The following GFAP variants were observed in gnomAD, a reference collection of about 807,000 sequenced individuals.
GFAP encodes intermediate filament protein.
Under a neutral mutation model 49.3 loss-of-function variants are expected in GFAP, and 38 were observed. The ratio of observed to expected loss-of-function variants is 0.77; its 90% CI spans 0.60 to 1.01. The LOEUF (loss-of-function observed/expected upper bound fraction) is 1.01, where lower values mean the gene tolerates loss of function less well. Ranked by LOEUF, GFAP falls within the 50% of genes least tolerant of loss-of-function variation. GFAP has a pLI of 0.00. For missense variants in GFAP, 463 were observed against 579.1 expected, an observed-to-expected ratio of 0.80 and a Z score of 2.06; for synonymous variants, 222 against 236.4, an observed-to-expected ratio of 0.94 and a Z score of 0.56.
chr17:44,914,707 T>C (rs1247533065), intron 1 of GFAP: 2 of 427,504 alleles, frequency 4.7e-6, no homozygotes, highest in Non-Finnish European at 8.6e-6. Context: ...ATAGGTGAGC[T>C]CGCTGCCCAC....
At position 44,903,292 on chromosome 17, in the gene GFAP, G is replaced by A. The variant is rs1887618129; in HGVS notation, c.*4055C>T. 8.0e-7 allele frequency: 1 copy of A among 1,245,868 alleles called. No homozygotes were observed. Among genetic ancestry groups the A allele is most frequent in the African/African-American group, 1.5e-5 (1 of 64,596 alleles). The allele number at this position is 1,245,868 out of a possible 1,614,324, so 77.2% of individuals were successfully genotyped here. A position where few individuals can be genotyped will look rare whatever the true frequency, so the allele number is the denominator to read the frequency against. ...GATCAAATACTACATCATTTGAGGT[G>A]TTGAATTTTCCCCTAGAGACTCAGT... On this transcript the variant is annotated 3_prime_UTR_variant, in exon 9 of 9. Transcript: ENST00000588735.
In GFAP at chr17:44,904,675, C is replaced by T. The variant is rs773620053; in HGVS notation, c.*2672G>A. On this transcript the variant is annotated 3_prime_UTR_variant, in exon 9 of 9. Coordinates refer to ENST00000588735, the MANE Select transcript of GFAP (RefSeq NM_002055.5). ...TTCAGTTCCACCAGCAGAGACTGGG[C>T]CATGGACTCATCATCTCCTGTCCTG... 206 of 1,550,424 alleles carry T rather than the reference C, an allele frequency of 1.3e-4. No individual in the cohort carries two copies. Among genetic ancestry groups the T allele is most frequent in the Non-Finnish European group, 1.7e-4 (196 of 1,147,008 alleles).
At position 44,904,611 on chromosome 17, in the gene GFAP, C is replaced by G. The variant is rs1232409831; in HGVS notation, c.*2736G>C. The G allele has an allele frequency of 1.9e-6, 3 of 1,550,456 alleles. No individual in the cohort carries two copies. On this transcript the variant is annotated 3_prime_UTR_variant, in exon 9 of 9. Coordinates refer to ENST00000588735, the MANE Select transcript of GFAP (RefSeq NM_002055.5). ...GTGCTGGCCATCATTAACTATGTGTCCAAAGTGGGCAGCCGGCCCTGGGTG... is the reference window on the plus strand; with the variant it reads ...GTGCTGGCCATCATTAACTATGTGTGCAAAGTGGGCAGCCGGCCCTGGGTG...
chr17:44,913,258 G>T lies in GFAP; in HGVS notation c.780+11C>A. 1 of 1,613,802 alleles carries T rather than the reference G, an allele frequency of 6.2e-7. No homozygotes were observed. Among genetic ancestry groups the T allele is most frequent in the Non-Finnish European group, 8.5e-7 (1 of 1,179,754 alleles). ...CCTGGAGGAGGCAGGCTGGCCCACA[G>T]GCAGGGCTACCTTGGAGCGGTACCA... On this transcript the variant is annotated intron_variant, in intron 4 of 8. Transcript: ENST00000588735.
intron 4 of GFAP, chr17:44,912,810 T>G: frequency 4.1e-6 from 1 of 245,528 alleles, no homozygotes; most frequent in South Asian, 5.5e-5. Context: ...TCCTGGGGGG[T>G]GCCTGGCATA....
rs121909717 is a variant in GFAP, at chr17:44,908,075, G to C, written c.1246C>G (p.Arg416Gly). 6.2e-7 allele frequency: 1 copy of C among 1,605,066 alleles called. No homozygotes were observed. The highest frequency in any genetic ancestry group is 8.5e-7 in the Non-Finnish European group (1 of 1,172,170). ...AAATCCCTCCTTACCTCTCCATCCC[G>C]CATCTCCACGGTCTTCACCACGATG... ...RNIVVKTVEM[R>G]DGEVIKESKQ... Residue 416 changes from arginine (R) to glycine (G), a missense_variant, in exon 8 of 9, where the codon CGG (arginine) becomes GGG (glycine). This residue lies in a region of GFAP where 362 missense variants were observed against 445.5 expected (regional missense o/e 0.81). Transcript: ENST00000588735.
chr17:44,913,502 G>T, intron 3 of GFAP, 72 bp from the exon 4 acceptor site: 2 of 1,501,848 alleles, frequency 1.3e-6, no homozygotes, highest in South Asian at 1.1e-5. Context: ...ACGCCATTGT[G>T]TCCTCTTCTG....
Position 44,907,008 on chromosome 17 carries a change from T to C in GFAP, c.*339A>G. 1 of 418,648 alleles carries C rather than the reference T, an allele frequency of 2.4e-6. No homozygotes were observed. The highest frequency in any genetic ancestry group is 4.5e-6 in the Non-Finnish European group (1 of 222,458). 25.9% of individuals were successfully genotyped at this position (418,648 alleles called of 1,614,324 possible). On this transcript the variant is annotated 3_prime_UTR_variant, in exon 9 of 9. Coordinates refer to ENST00000588735, the MANE Select transcript of GFAP (RefSeq NM_002055.5). ...TTTCCATAACAACAGGAATCAGGGA[T>C]GTGGAGGGCGATGTAGTAGGTGCCC...
intron 7 of GFAP, chr17:44,908,381 C>T (rs2051687913): frequency 2.1e-5 from 8 of 375,218 alleles, no homozygotes; most frequent in Non-Finnish European, 3.4e-5. Flanking sequence ...ATTTCAGCCC[C>T]TCTGCAAGCC....
At position 44,913,312 on chromosome 17, in the gene GFAP, G is replaced by A. The variant is rs374224631; in HGVS notation, c.737C>T (p.Ala246Val). Residue 246 changes from alanine (A) to valine (V), a missense_variant, in exon 4 of 9, where the codon GCG (alanine) becomes GTG (valine). Coordinates refer to ENST00000588735, the MANE Select transcript of GFAP (RefSeq NM_002055.5). Reference protein sequence around the residue: ...KEIRTQYEAMASSNMHEAEEW... With the variant: ...KEIRTQYEAMVSSNMHEAEEW... Reference sequence around the variant, plus strand: ...TTCGGCTTCATGCATGTTGCTGGACGCCATTGCCTCATACTGCGTGCGGAT... The same window carrying A: ...TTCGGCTTCATGCATGTTGCTGGACACCATTGCCTCATACTGCGTGCGGAT... 2.9e-5 allele frequency: 47 copies of A among 1,614,046 alleles called. No individual in the cohort carries two copies. The highest frequency in any genetic ancestry group is 5.0e-5 in the Admixed American group (3 of 60,014).
intron 1 of GFAP, chr17:44,914,768 A>C: frequency 1.8e-6 from 1 of 557,220 alleles, no homozygotes. Flanking sequence ...CTGCTCCTGC[A>C]CTGCTTTCCC....
intron 6 of GFAP, chr17:44,910,984 C>A: frequency 1.6e-6 from 1 of 606,930 alleles, no homozygotes; most frequent in South Asian, 2.0e-5. Flanking sequence ...GGGGAGTATG[C>A]CTCTTAGTTT....
intron 6 of GFAP, chr17:44,910,900 G>A (rs1387963745): frequency 3.2e-6 from 2 of 621,264 alleles, no homozygotes; most frequent in South Asian, 3.9e-5. Context: ...AAAGGGAGGG[G>A]AAAGTGGTGA....
intron 1 of GFAP, 82 bp from the exon 2 acceptor site, chr17:44,914,170 G>T: frequency 9.8e-7 from 1 of 1,021,086 alleles, no homozygotes; most frequent in Non-Finnish European, 1.5e-6. Context: ...TGAGGCAGCT[G>T]TCACAGAGAC....
At position 44,914,100 on chromosome 17, in the gene GFAP, G is replaced by A. The variant is rs760058227; in HGVS notation, c.462-12C>T. ...TTTCATCCTGGAGCCTGGAGTGGGGGGACACATTCCTGGGTCCAGGCTCTT... is the reference window on the plus strand; with the variant it reads ...TTTCATCCTGGAGCCTGGAGTGGGGAGACACATTCCTGGGTCCAGGCTCTT... On this transcript the variant is annotated splice_polypyrimidine_tract_variant and intron_variant, in intron 1 of 8. Transcript: ENST00000588735. The A allele has an allele frequency of 3.9e-6, 6 of 1,545,804 alleles. No individual in the cohort carries two copies. The highest frequency in any genetic ancestry group is 4.4e-6 in the Non-Finnish European group (5 of 1,141,216).
At position 44,911,351 on chromosome 17, in the gene GFAP, G is replaced by A; in HGVS notation, c.1012C>T (p.Leu338Phe). The A allele has an allele frequency of 6.2e-7, 1 of 1,614,196 alleles. No homozygotes were observed. Among genetic ancestry groups the A allele is most frequent in the Non-Finnish European group, 8.5e-7 (1 of 1,180,020 alleles). ...AAGTGGCGGGCCATCTCGTCCTTGA[G>A]GCTCTGCCCCTCTTCCTCCAGCCGC... ...LARLEEEGQS[L>F]KDEMARHLQE... The change falls in exon 6 of 9, where the codon CTC becomes TTC. Residue 338 changes from leucine (L) to phenylalanine (F), a missense_variant. Coordinates refer to ENST00000588735, the MANE Select transcript of GFAP (RefSeq NM_002055.5).
intron 8 of GFAP, 137 bp downstream of exon 8, chr17:44,907,927 T>C (rs777986525): frequency 5.7e-5 from 44 of 777,510 alleles, no homozygotes; most frequent in African/African-American, 4.2e-4. Flanking sequence ...TTCCTTGCTC[T>C]CCTCCAGAAT....
intron 4 of GFAP, 77 bp downstream of exon 4, chr17:44,913,192 C>T: frequency 2.1e-6 from 3 of 1,409,682 alleles, no homozygotes; most frequent in Non-Finnish European, 2.0e-6. Flanking sequence ...GCTTCCTCCA[C>T]CCTCCTTCCC....
chr17:44,912,959 A>G, intron 4 of GFAP: 1 of 399,590 alleles, frequency 2.5e-6, no homozygotes, highest in East Asian at 5.5e-5. Context: ...ACCTCTCTGG[A>G]CTTCGGCTCT....
Sources: gnomAD v4.1 joint callset for allele counts on GRCh38, gnomAD v4.1.1 for gene constraint, gnomAD v4.1.1 regional missense constraint, MANE v1.5 for transcripts, NCBI Gene and HGNC (gene_info 2026-07-23, HGNC 2026-07-21) for gene names.